KLHL2: variants seen among roughly 807,000 people sequenced by gnomAD.
The protein encoded by KLHL2 is kelch-like protein 2.
A neutral mutation model predicts 75.8 loss-of-function variants in KLHL2; 15 were observed. The observed-to-expected ratio is 0.20, with a 90% CI of 0.13 to 0.30. KLHL2 has a LOEUF of 0.30. KLHL2 is among the 10% of genes least tolerant of loss of function. The pLI is 1.00. For missense variants in KLHL2, 381 were observed against 741.0 expected, an observed-to-expected ratio of 0.51 and a Z score of 5.64; for synonymous variants, 214 against 251.9, an observed-to-expected ratio of 0.85 and a Z score of 1.42.
rs1340315371 is a variant in KLHL2, at chr4:165,323,072, C to A, written c.*1012C>A. The A allele has an allele frequency of 6.6e-6, 1 of 152,552 alleles. No homozygotes were observed. Among genetic ancestry groups the A allele is most frequent in the Non-Finnish European group, 1.5e-5 (1 of 68,006 alleles). 9.4% of individuals were successfully genotyped at this position (152,552 alleles called of 1,614,324 possible). A position where few individuals can be genotyped will look rare whatever the true frequency, so the allele number is the denominator to read the frequency against. On this transcript the variant is annotated 3_prime_UTR_variant, in exon 15 of 15. Transcript: ENST00000226725. ...TGATCAGATACAGTTTTTCTGAGAT[C>A]TTCAATTAATCTCACTTTAAAAATG... is the stretch of plus-strand genomic sequence containing the variant.
At chr4:165,268,563 G>T (rs539190346) in intron 5 of KLHL2, among the ~76,000 whole-genome samples, 6 of 152,060 alleles carry the variant, frequency 3.9e-5, no homozygotes, top group Non-Finnish European at 7.4e-5. Flanking sequence ...CCTTCATTTC[G>T]TTGTGTACCC....
At chr4:165,254,951 AAG>A (rs1210810443) in intron 4 of KLHL2, among the ~76,000 whole-genome samples, 1 of 152,208 alleles carries the variant, frequency 6.6e-6, no homozygotes, top group Non-Finnish European at 1.5e-5. Flanking sequence ...CCAAGAAAAA[AAG>A]CGCTGAGTCA....
In KLHL2 at chr4:165,207,715, G is replaced by C. The variant is rs1736921863; in HGVS notation, c.-162G>C. 2 of 305,820 alleles carry C rather than the reference G, an allele frequency of 6.5e-6. No individual in the cohort carries two copies. The allele number at this position is 305,820 out of a possible 1,614,324, so 18.9% of individuals were successfully genotyped here. ...CCGGCCGAGCGGGCCATGGCCGCGG[G>C]GGCCGCCGCCGCAGGTGGTGGCGCG... On this transcript the variant is annotated 5_prime_UTR_variant, in exon 1 of 15. Transcript: ENST00000226725. This position sits in a 1 kb window ranked among gnomAD's most constrained non-coding sequence, Gnocchi z 4.2.
chr4:165,238,997 T>A lies in KLHL2; in HGVS notation c.381+98T>A, dbSNP rs576774694. 43 of 1,482,104 alleles carry A rather than the reference T, an allele frequency of 2.9e-5. 2 individuals are homozygous for A. The South Asian group carries it at 6.1e-4, about 21-fold the overall frequency. The allele number at this position is 1,482,104 out of a possible 1,614,324, so 91.8% of individuals were successfully genotyped here. On this transcript the variant is annotated intron_variant, in intron 4 of 14. Coordinates refer to ENST00000226725, the MANE Select transcript of KLHL2 (RefSeq NM_007246.4). ...CAGTATACAATTTGCACCAAAATAA[T>A]AGGATTCATTGTGAAAATTGTATTT...
intron 5 of KLHL2, among the ~76,000 whole-genome samples, chr4:165,267,786 T>G (rs1387471704): frequency 6.6e-6 from 1 of 152,114 alleles, no homozygotes; most frequent in East Asian, 1.9e-4. Flanking sequence ...TTTTTGTTGT[T>G]TCTCTGCCAG....
intron 3 of KLHL2, among the ~76,000 whole-genome samples, chr4:165,230,358 G>T (rs1355216918): frequency 6.6e-6 from 1 of 152,108 alleles, no homozygotes; most frequent in East Asian, 1.9e-4. Flanking sequence ...TTCCCCATCT[G>T]GAAAATGGGA....
chr4:165,294,385 A>C lies in KLHL2; in HGVS notation c.571A>C (p.Ser191Arg), dbSNP rs760843567. ...AEQHFADVVL[S>R]EEFLNLGIEQ... ...GCAACATTTTGCAGATGTTGTACTTAGTGAAGAATTTCTCAATCTTGGCAT... is the reference window on the plus strand; with the variant it reads ...GCAACATTTTGCAGATGTTGTACTTCGTGAAGAATTTCTCAATCTTGGCAT... The change falls in exon 6 of 15, where the codon AGT (serine) becomes CGT (arginine). Residue 191 changes from serine (S) to arginine (R), a missense_variant. Ser to Arg is a moderately radical substitution (Grantham distance 110). Around this residue, in one of 5 missense-constraint regions of KLHL2, gnomAD observed 111 missense variants for 150.1 expected, o/e 0.74. Transcript: ENST00000226725. The C allele has an allele frequency of 6.2e-7, 1 of 1,609,800 alleles. No individual in the cohort carries two copies. The highest frequency in any genetic ancestry group is 8.5e-7 in the Non-Finnish European group (1 of 1,176,336).
intron 5 of KLHL2, chr4:165,278,556 A>G: frequency 6.2e-7 from 1 of 1,611,504 alleles, no homozygotes; most frequent in African/African-American, 1.3e-5. Flanking sequence ...AACCCCGAAA[A>G]TGCTGGGACG....
Position 165,299,531 on chromosome 4 carries a change from A to G in KLHL2, c.796A>G (p.Lys266Glu). 1 of 1,612,960 alleles carries G rather than the reference A, an allele frequency of 6.2e-7. No homozygotes were observed. The highest frequency in any genetic ancestry group is 8.5e-7 in the Non-Finnish European group (1 of 1,179,490). Residue 266 changes from lysine (K) to glutamate (E), a missense_variant, in exon 8 of 15, where the codon AAG becomes GAG. Transcript: ENST00000226725. The stretch of plus-strand genomic sequence containing the variant: ...GAGGGTTGAAGAGGAAGCATTGGTC[A>G]AGAATAGCAGTGCTTGCAAAGATTA... ...VQRVEEEALVKNSSACKDYLI... is the reference protein window; with the variant it reads ...VQRVEEEALVENSSACKDYLI...
At chr4:165,226,942 A>T (rs1738488433) in intron 2 of KLHL2, among the ~76,000 whole-genome samples, 2 of 152,114 alleles carry the variant, frequency 1.3e-5, no homozygotes, top group African/African-American at 4.8e-5. Flanking sequence ...ACCTTATAAC[A>T]TTGTGGTGGG....
At chr4:165,251,678 C>T (rs1194191023) in intron 4 of KLHL2, among the ~76,000 whole-genome samples, 2 of 144,326 alleles carry the variant, frequency 1.4e-5, no homozygotes, top group Admixed American at 6.9e-5. Context: ...GGCGGGATCT[C>T]GGCTCACTGC....
intron 5 of KLHL2, among the ~76,000 whole-genome samples, chr4:165,293,670 A>ATTTTTTTT (rs35736944): frequency 1.6e-5 from 2 of 125,988 alleles, no homozygotes; most frequent in Non-Finnish European, 1.6e-5. Context: ...TGCCTGGCTA[A>ATTTTTTTT]TTTTTTTTTT....
intron 1 of KLHL2, among the ~76,000 whole-genome samples, chr4:165,212,703 G>A (rs1326913190): frequency 6.6e-6 from 1 of 152,192 alleles, no homozygotes; most frequent in Non-Finnish European, 1.5e-5. Flanking sequence ...AGATGAAGAA[G>A]TAGAGTTTAA....
At chr4:165,321,014 G>C (rs1440166430) in intron 14 of KLHL2, among the ~76,000 whole-genome samples, 1 of 152,204 alleles carries the variant, frequency 6.6e-6, no homozygotes, top group Non-Finnish European at 1.5e-5. Context: ...TCTGGCAAAA[G>C]GGTTTGGTTA....
intron 5 of KLHL2, among the ~76,000 whole-genome samples, chr4:165,289,297 A>G (rs1744324683): frequency 6.6e-6 from 1 of 152,212 alleles, no homozygotes; most frequent in South Asian, 2.1e-4. Context: ...ATATATGTTA[A>G]CCACATCCTT....
intron 4 of KLHL2, among the ~76,000 whole-genome samples, chr4:165,254,416 C>T (rs1740990423): frequency 6.6e-6 from 1 of 152,000 alleles, no homozygotes; most frequent in South Asian, 2.1e-4. Flanking sequence ...AAGTAAAAGT[C>T]ATTTACGTAT....
chr4:165,231,328 A>C (rs1738869641), intron 3 of KLHL2, among the ~76,000 whole-genome samples: 1 of 152,160 alleles, frequency 6.6e-6, no homozygotes, highest in African/African-American at 2.4e-5. Flanking sequence ...ACTAGTCTAT[A>C]GTCCCAGCTA....
chr4:165,245,977 A>G lies in KLHL2; in HGVS notation c.381+7078A>G, dbSNP rs186959451. On this transcript the variant is annotated intron_variant, in intron 4 of 14. Transcript: ENST00000226725. Reference sequence around the variant, plus strand: ...CACTGTTCCAACCATTGGTGTTACAATGTCAAGCAGGATAGATAAGGTCCC... The same window carrying G: ...CACTGTTCCAACCATTGGTGTTACAGTGTCAAGCAGGATAGATAAGGTCCC... 4.7e-3 allele frequency among the ~76,000 whole-genome samples: 718 copies of G among 152,270 alleles called. 3 individuals carry two copies. Among genetic ancestry groups the G allele is most frequent in the Admixed American group, 7.9e-3 (121 of 15,300 alleles).
At chr4:165,269,126 T>C (rs892534410) in intron 5 of KLHL2, among the ~76,000 whole-genome samples, 1 of 152,166 alleles carries the variant, frequency 6.6e-6, no homozygotes, top group Admixed American at 6.5e-5. Flanking sequence ...AGAGACTAGA[T>C]TGCAACCCCT....
Sources: allele counts gnomAD v4.1 joint callset (sites outside exome capture counted in the v4.1 genomes callset), GRCh38; gene constraint gnomAD v4.1.1; regional missense constraint gnomAD v4.1.1; non-coding constraint Gnocchi (gnomAD v3.1); transcripts MANE v1.5; gene names NCBI Gene and HGNC (gene_info 2026-07-23, HGNC 2026-07-21).